Variants in CHODL observed in about 807,000 individuals in gnomAD.
CHODL encodes transmembrane protein MT75.
A neutral mutation model predicts 34.5 loss-of-function variants in CHODL; 29 were observed. The observed-to-expected ratio is 0.84, with a 90% CI of 0.63 to 1.15. CHODL has a LOEUF of 1.15. CHODL is among the 50% of genes most tolerant of loss of function. CHODL has a pLI of 0.00. For synonymous variants in CHODL, 125 were observed against 116.1 expected, an observed-to-expected ratio of 1.08 and a Z score of -0.49; for missense variants, 332 against 332.5, an observed-to-expected ratio of 1.00 and a Z score of 0.01.
intron 1 of CHODL, among the ~76,000 whole-genome samples, chr21:17,962,951 C>G (rs2063542688): frequency 6.6e-6 from 1 of 151,818 alleles, no homozygotes; most frequent in Non-Finnish European, 1.5e-5. Context: ...GTAGTCCCAG[C>G]TACTCAGGAG....
chr21:18,129,970 G>T (rs1437684322), intron 2 of CHODL, among the ~76,000 whole-genome samples: 1 of 151,706 alleles, frequency 6.6e-6, no homozygotes, highest in Non-Finnish European at 1.5e-5. Flanking sequence ...AACTATATCT[G>T]TATGACAGAT....
chr21:18,128,117 G>T (rs11088666), intron 2 of CHODL, among the ~76,000 whole-genome samples: 56,922 of 150,408 alleles, frequency 0.38, 12,589 homozygotes, highest in East Asian at 0.74. Context: ...TGGCTAACAC[G>T]GTGAAACCCC....
chr21:18,184,003 A>G (rs964854205), intron 2 of CHODL, among the ~76,000 whole-genome samples: 15 of 152,214 alleles, frequency 9.9e-5, no homozygotes, highest in East Asian at 1.9e-4. Context: ...TTAAAGGTTT[A>G]CTTTTCAAAT....
At chr21:18,131,129 CAGAG>C (rs374612689) in intron 2 of CHODL, among the ~76,000 whole-genome samples, 2 of 151,072 alleles carry the variant, frequency 1.3e-5, no homozygotes, top group East Asian at 1.9e-4. Context: ...AAAGAGAGAG[CAGAG>C]AGAGAGAGAC....
At chr21:18,088,408 C>A (rs2065033309) in intron 2 of CHODL, among the ~76,000 whole-genome samples, 1 of 152,170 alleles carries the variant, frequency 6.6e-6, no homozygotes, top group East Asian at 1.9e-4. Context: ...TTGCACCCTG[C>A]TGAGGCTGCT....
intron 2 of CHODL, among the ~76,000 whole-genome samples, chr21:18,035,829 TTTTC>T (rs2064302727): frequency 2.0e-5 from 3 of 152,114 alleles, no homozygotes; most frequent in East Asian, 1.9e-4. Context: ...ATGCTCAATC[TTTTC>T]TTTATTTTCT....
chr21:18,164,945 T>G (rs934580379), intron 2 of CHODL, among the ~76,000 whole-genome samples: 1 of 152,188 alleles, frequency 6.6e-6, no homozygotes, highest in Admixed American at 6.5e-5. Context: ...ACCTCTGATA[T>G]ATATCTTGAA....
chr21:18,024,929 C>G (rs546538204), intron 1 of CHODL, among the ~76,000 whole-genome samples: 1 of 152,256 alleles, frequency 6.6e-6, no homozygotes, highest in Admixed American at 6.5e-5. Flanking sequence ...ATTTACATTA[C>G]TTAATTAATG....
intron 1 of CHODL, among the ~76,000 whole-genome samples, chr21:17,919,302 T>G (rs906871944): frequency 6.6e-6 from 1 of 152,134 alleles, no homozygotes; most frequent in Non-Finnish European, 1.5e-5. Flanking sequence ...ACTCTGCCCC[T>G]GCAGCAAACT....
intron 2 of CHODL, among the ~76,000 whole-genome samples, chr21:18,067,617 C>T (rs1265024491): frequency 6.6e-6 from 1 of 152,186 alleles, no homozygotes; most frequent in Non-Finnish European, 1.5e-5. Context: ...ATGAAACAAT[C>T]AGTTTCTTCT....
At chr21:18,096,575 G>C (rs1359502089) in intron 2 of CHODL, among the ~76,000 whole-genome samples, 3 of 152,152 alleles carry the variant, frequency 2.0e-5, no homozygotes, top group African/African-American at 7.2e-5. Flanking sequence ...CTGGTCTCCT[G>C]CAGTGCCCTC....
At chr21:18,079,727 G>T (rs556274882) in intron 2 of CHODL, among the ~76,000 whole-genome samples, 1 of 124,790 alleles carries the variant, frequency 8.0e-6, no homozygotes, top group South Asian at 2.4e-4. Flanking sequence ...ACAAGGGCAG[G>T]TATCTTTCTG....
chr21:17,989,555 T>G (rs2063780737), intron 1 of CHODL, among the ~76,000 whole-genome samples: 1 of 152,192 alleles, frequency 6.6e-6, no homozygotes, highest in South Asian at 2.1e-4. Flanking sequence ...CTGTAGCCTT[T>G]TCTTAATATC....
intron 2 of CHODL, among the ~76,000 whole-genome samples, chr21:18,174,148 TATATATATATATAA>T (rs2073272905): frequency 9.1e-6 from 1 of 109,824 alleles, no homozygotes; most frequent in African/African-American, 3.4e-5. Flanking sequence ...TATATATATA[TATATATATATATAA>T]AATCAAGTCT....
At chr21:18,167,476 A>C (rs9305847) in intron 2 of CHODL, among the ~76,000 whole-genome samples, 77,293 of 151,414 alleles carry the variant, frequency 0.51, 21,207 homozygotes, top group Non-Finnish European at 0.63. Flanking sequence ...CGCCCGGCTA[A>C]TTTTTTGTAT....
intron 2 of CHODL, among the ~76,000 whole-genome samples, chr21:18,236,281 A>G (rs1376216468): frequency 6.6e-6 from 1 of 152,102 alleles, no homozygotes; most frequent in African/African-American, 2.4e-5. Context: ...TGAGACTAGC[A>G]TAAGGGAAAA....
intron 2 of CHODL, among the ~76,000 whole-genome samples, chr21:18,193,899 C>T (rs148928572): frequency 5.3e-4 from 81 of 152,004 alleles, no homozygotes; most frequent in African/African-American, 1.9e-3. Flanking sequence ...CCCTAGAAAC[C>T]TGCCCCCCCT....
chr21:18,026,209 C>T (rs955080598), intron 1 of CHODL, among the ~76,000 whole-genome samples: 9 of 152,138 alleles, frequency 5.9e-5, no homozygotes, highest in South Asian at 2.1e-4. Context: ...GTGACAAATA[C>T]GTCAACCTCA....
chr21:17,967,356 A>G (rs767022774), intron 1 of CHODL, among the ~76,000 whole-genome samples: 1 of 152,210 alleles, frequency 6.6e-6, no homozygotes, highest in Non-Finnish European at 1.5e-5. Flanking sequence ...TGTATCATCT[A>G]AAGGAGAATC....
Sources: allele counts gnomAD v4.1 joint callset (sites outside exome capture counted in the v4.1 genomes callset), GRCh38; gene constraint gnomAD v4.1.1; transcripts MANE v1.5; gene names NCBI Gene and HGNC (gene_info 2026-07-23, HGNC 2026-07-21).